The following SHISA9 variants were observed in gnomAD, a reference collection of about 807,000 sequenced individuals.
SHISA9 encodes shisa family member 9.
In SHISA9, 13 loss-of-function variants were observed where a neutral mutation model predicts 38.0. The observed-to-expected ratio is 0.34, with a 90% CI of 0.22 to 0.54. The LOEUF (loss-of-function observed/expected upper bound fraction) is 0.54. Among genes scored for constraint, SHISA9 ranks in the 20% least tolerant of loss-of-function variants. The pLI is 0.91. For missense variants in SHISA9, 538 were observed against 575.8 expected, an observed-to-expected ratio of 0.93 and a Z score of 0.67; for synonymous variants, 275 against 242.0, an observed-to-expected ratio of 1.14 and a Z score of -1.27.
chr16:13,525,706 C>T, the SHISA9 span, among the ~76,000 whole-genome samples: 1 of 152,196 alleles, frequency 6.6e-6, no homozygotes, highest in East Asian at 1.9e-4. Flanking sequence ...TCATCATTTT[C>T]ACTTGCTAAT....
intron 2 of SHISA9, among the ~76,000 whole-genome samples, chr16:13,010,966 G>A (rs1295811533): frequency 2.0e-5 from 3 of 152,052 alleles, no homozygotes; most frequent in Non-Finnish European, 4.4e-5. Flanking sequence ...TTTTAAAAAA[G>A]CTAGTTAAAT....
At chr16:13,198,569 C>T (rs541390241) in intron 2 of SHISA9, among the ~76,000 whole-genome samples, 2 of 152,254 alleles carry the variant, frequency 1.3e-5, no homozygotes, top group East Asian at 3.9e-4. Flanking sequence ...CTGGGCTTAT[C>T]TCCAATCTGC....
the SHISA9 span, among the ~76,000 whole-genome samples, chr16:13,251,610 G>C: frequency 3.9e-5 from 6 of 152,124 alleles, no homozygotes; most frequent in Non-Finnish European, 8.8e-5. Flanking sequence ...GGGTCCTAGT[G>C]GGTTGGAACC....
chr16:13,367,940 T>C, the SHISA9 span, among the ~76,000 whole-genome samples: 1 of 152,130 alleles, frequency 6.6e-6, no homozygotes, highest in African/African-American at 2.4e-5. Context: ...AATTTTAGGG[T>C]ACATGTGCAC....
chr16:13,535,354 A>G, the SHISA9 span, among the ~76,000 whole-genome samples: 1 of 152,216 alleles, frequency 6.6e-6, no homozygotes, highest in Non-Finnish European at 1.5e-5. Context: ...GTCAAAAAAT[A>G]GAAATCTTGA....
the SHISA9 span, among the ~76,000 whole-genome samples, chr16:13,501,768 G>A: frequency 1.3e-5 from 2 of 152,046 alleles, no homozygotes; most frequent in African/African-American, 2.4e-5. Flanking sequence ...TTTGGGAGGC[G>A]AGGAGGGTGG....
chr16:13,134,031 C>G (rs1163484339), intron 2 of SHISA9, among the ~76,000 whole-genome samples: 1 of 152,188 alleles, frequency 6.6e-6, no homozygotes, highest in Non-Finnish European at 1.5e-5. Context: ...TCATCTTGAT[C>G]TCGATACACT....
chr16:13,161,560 G>A (rs571826950), intron 2 of SHISA9, among the ~76,000 whole-genome samples: 2 of 152,238 alleles, frequency 1.3e-5, no homozygotes, highest in Admixed American at 1.3e-4. Context: ...GAACTCAAAG[G>A]CATTTTTCTG....
intron 2 of SHISA9, among the ~76,000 whole-genome samples, chr16:13,098,071 C>T (rs971544686): frequency 3.3e-5 from 5 of 152,170 alleles, no homozygotes; most frequent in African/African-American, 9.7e-5. Context: ...CACCCCATTT[C>T]GCAGAAGAAA....
chr16:13,130,408 G>GT (rs371459818), intron 2 of SHISA9, among the ~76,000 whole-genome samples: 3 of 150,904 alleles, frequency 2.0e-5, no homozygotes, highest in Admixed American at 6.6e-5. Flanking sequence ...CTAATTCTAT[G>GT]TTTTTTTGTT....
chr16:13,274,783 C>T, the SHISA9 span, among the ~76,000 whole-genome samples: 1 of 152,146 alleles, frequency 6.6e-6, no homozygotes, highest in Non-Finnish European at 1.5e-5. Flanking sequence ...TGATAGCCAT[C>T]CTTTGGAGGA....
the SHISA9 span, among the ~76,000 whole-genome samples, chr16:13,486,443 C>T: frequency 6.6e-6 from 1 of 152,176 alleles, no homozygotes; most frequent in African/African-American, 2.4e-5. Context: ...CTGTCACTTG[C>T]AACCAAGAGT....
At chr16:13,528,542 C>T in the SHISA9 span, among the ~76,000 whole-genome samples, 24 of 152,218 alleles carry the variant, frequency 1.6e-4, no homozygotes, top group African/African-American at 5.5e-4. Flanking sequence ...AAAGTATGAC[C>T]TTTCCTCATA....
the SHISA9 span, among the ~76,000 whole-genome samples, chr16:13,384,422 G>A: frequency 6.6e-6 from 1 of 152,320 alleles, no homozygotes; most frequent in East Asian, 1.9e-4. Flanking sequence ...GTTACCTTGA[G>A]GACTTCAGGG....
At chr16:12,941,998 T>C (rs1015431297) in intron 2 of SHISA9, among the ~76,000 whole-genome samples, 5 of 152,164 alleles carry the variant, frequency 3.3e-5, no homozygotes, top group Non-Finnish European at 5.9e-5. Context: ...TTGTTTCTGT[T>C]TGGCTTTGTA....
At chr16:13,277,298 T>C in the SHISA9 span, among the ~76,000 whole-genome samples, 4 of 152,166 alleles carry the variant, frequency 2.6e-5, no homozygotes, top group Non-Finnish European at 5.9e-5. Flanking sequence ...ACCAGTACCA[T>C]GCTGTTTAGG....
intron 2 of SHISA9, among the ~76,000 whole-genome samples, chr16:12,930,646 G>A (rs189681911): frequency 1.0e-3 from 152 of 152,248 alleles, no homozygotes; most frequent in African/African-American, 3.5e-3. Flanking sequence ...ACATGACTAT[G>A]TCGTGTTGAT....
At position 13,203,410 on chromosome 16, in the gene SHISA9, C is replaced by T. The variant is rs776692227; in HGVS notation, c.708C>T (p.Asn236=). The part of the protein sequence containing the change: ...PINNLHATQM[N]NAVPTSPLLQ... ...CACTTCCAGATGCCACCCAGATGAA[C>T]AACGCAGTGCCCACCTCTCCTCTGC... Residue 236 remains asparagine (N), a synonymous_variant, in exon 3 of 5, where the codon AAC becomes AAT. Transcript: ENST00000558583. 1 of 1,536,364 alleles carries T rather than the reference C, an allele frequency of 6.5e-7. No homozygotes were observed. The highest frequency in any genetic ancestry group is 8.8e-7 in the Non-Finnish European group (1 of 1,141,304).
At chr16:13,433,737 G>A in the SHISA9 span, among the ~76,000 whole-genome samples, 1 of 152,226 alleles carries the variant, frequency 6.6e-6, no homozygotes, top group Non-Finnish European at 1.5e-5. Context: ...TAGATTCATA[G>A]AAGAGGTAGC....
Sources: gnomAD v4.1 joint callset for allele counts (sites outside exome capture counted in the v4.1 genomes callset) on GRCh38, gnomAD v4.1.1 for gene constraint, MANE v1.5 for transcripts, NCBI Gene and HGNC (gene_info 2026-07-23, HGNC 2026-07-21) for gene names.